The following ARHGEF3 variants were observed in gnomAD, a reference collection of about 807,000 sequenced individuals.
The protein encoded by ARHGEF3 is 59.8 kDA protein.
A neutral mutation model predicts 63.2 loss-of-function variants in ARHGEF3; 28 were observed. The ratio of observed to expected loss-of-function variants is 0.44; its 90% CI spans 0.33 to 0.61. ARHGEF3 has a LOEUF of 0.61. ARHGEF3 is among the 20% of genes least tolerant of loss of function. The probability of loss-of-function intolerance (pLI) is 0.03; values close to 1 mark genes in which losing one functional copy is unlikely to be tolerated. For synonymous variants in ARHGEF3, 266 were observed against 254.2 expected (o/e 1.05, Z -0.44); for missense variants, 533 against 659.3 (o/e 0.81, Z 2.10).
At chr3:56,796,994 T>C (rs2037402003) in intron 1 of ARHGEF3, among the ~76,000 whole-genome samples, 2 of 152,244 alleles carry the variant, frequency 1.3e-5, no homozygotes, top group African/African-American at 2.4e-5. Context: ...AGAATCTTTT[T>C]TTTTGAAATG....
chr3:56,918,342 A>C (rs1019768138), intron 3 of ARHGEF3, among the ~76,000 whole-genome samples: 2 of 152,246 alleles, frequency 1.3e-5, no homozygotes, highest in African/African-American at 2.4e-5. Flanking sequence ...CGACCAGGGC[A>C]TTGTACGTTT....
chr3:57,002,473 T>TATATATGCCAGGC, intron 2 of ARHGEF3, among the ~76,000 whole-genome samples: 1 of 11,636 alleles, frequency 8.6e-5, no homozygotes, highest in Non-Finnish European at 1.8e-4. Flanking sequence ...TATATATATA[T>TATATATGCCAGGC]ATATGTTATA....
intron 2 of ARHGEF3, among the ~76,000 whole-genome samples, chr3:56,997,032 T>C (rs1316378719): frequency 2.6e-5 from 4 of 151,946 alleles, no homozygotes; most frequent in Non-Finnish European, 5.9e-5. Context: ...GCTCTAGCCA[T>C]TACAACCCTC....
intron 3 of ARHGEF3, among the ~76,000 whole-genome samples, chr3:56,936,811 C>T (rs952959416): frequency 6.6e-6 from 1 of 152,184 alleles, no homozygotes; most frequent in Non-Finnish European, 1.5e-5. Context: ...CCTCCAACTC[C>T]AGAGCTCAAG....
chr3:56,783,539 C>A (rs1350527892), intron 1 of ARHGEF3, among the ~76,000 whole-genome samples: 1 of 152,118 alleles, frequency 6.6e-6, no homozygotes, highest in Non-Finnish European at 1.5e-5. Flanking sequence ...GAAAAGTAAC[C>A]TCTCCTACTT....
intron 3 of ARHGEF3, among the ~76,000 whole-genome samples, chr3:56,937,862 C>T (rs749484877): frequency 6.6e-6 from 1 of 152,166 alleles, no homozygotes; most frequent in Admixed American, 6.5e-5. Flanking sequence ...TTTAGTTCAA[C>T]CTGCATAAAT....
At chr3:57,069,200 C>T (rs1705738831) in intron 1 of ARHGEF3, among the ~76,000 whole-genome samples, 1 of 152,178 alleles carries the variant, frequency 6.6e-6, no homozygotes, top group Non-Finnish European at 1.5e-5. Flanking sequence ...GGATTACAGG[C>T]GTGAGCCACC....
intron 1 of ARHGEF3, among the ~76,000 whole-genome samples, chr3:57,058,745 A>G (rs1054421488): frequency 6.6e-6 from 1 of 152,126 alleles, no homozygotes; most frequent in African/African-American, 2.4e-5. Context: ...AACCAACCCA[A>G]TGTCCAACAA....
At chr3:56,935,119 T>C (rs2042524473) in intron 3 of ARHGEF3, among the ~76,000 whole-genome samples, 1 of 152,060 alleles carries the variant, frequency 6.6e-6, no homozygotes, top group South Asian at 2.1e-4. Context: ...TGGCAGTCTG[T>C]ATCTAGCTCA....
intron 1 of ARHGEF3, among the ~76,000 whole-genome samples, chr3:56,779,101 T>C (rs752998796): frequency 1.3e-5 from 2 of 152,134 alleles, no homozygotes; most frequent in African/African-American, 4.8e-5. Context: ...ATAAGCTTGA[T>C]TTGCATATTC....
upstream of ARHGEF3, among the ~76,000 whole-genome samples, chr3:56,804,144 C>T (rs1440442151): frequency 6.6e-6 from 1 of 152,176 alleles, no homozygotes; most frequent in East Asian, 1.9e-4. Flanking sequence ...CTCAACCACC[C>T]AAAGTGCTGG....
intron 7 of ARHGEF3, among the ~76,000 whole-genome samples, chr3:56,743,952 A>C (rs1017694226): frequency 1.7e-4 from 26 of 152,086 alleles, no homozygotes; most frequent in African/African-American, 6.0e-4. Flanking sequence ...TAAATGATGG[A>C]GCTGGGATTT....
chr3:57,050,972 A>C (rs115215100), intron 1 of ARHGEF3, among the ~76,000 whole-genome samples: 291 of 152,350 alleles, frequency 1.9e-3, no homozygotes, highest in African/African-American at 6.5e-3. Context: ...TATGGCAGAC[A>C]AGTCCACAGT....
intron 1 of ARHGEF3, among the ~76,000 whole-genome samples, chr3:56,791,629 A>G (rs2037081365): frequency 6.6e-6 from 1 of 152,120 alleles, no homozygotes; most frequent in Non-Finnish European, 1.5e-5. Context: ...ACCCCCAGAG[A>G]GACAGTGCTG....
chr3:56,786,176 C>A (rs1354882729), intron 1 of ARHGEF3, among the ~76,000 whole-genome samples: 1 of 152,114 alleles, frequency 6.6e-6, no homozygotes, highest in African/African-American at 2.4e-5. Context: ...ACATTGAAAT[C>A]TGATTATTCA....
At chr3:56,775,142 T>A in intron 1 of ARHGEF3, 4 of 1,540,166 alleles carry the variant, frequency 2.6e-6, no homozygotes, top group Non-Finnish European at 3.5e-6. Context: ...GGTATTCATC[T>A]TTCCTTTTCA....
chr3:56,992,407 A>AAC lies in ARHGEF3; in HGVS notation c.63-33519_63-33518insGT, dbSNP rs1427639526. ...AAAAAAAAAAAAAAAAAAAAAAAAA[A>AAC]AAAAAAACAGAAAGAAGGTCATGTG... On this transcript the variant is annotated intron_variant, in intron 2 of 12. Transcript: ENST00000338458. Among the ~76,000 whole-genome samples, 1,091 of 116,278 alleles carry AAC rather than the reference A, an allele frequency of 9.4e-3. 57 individuals are homozygous for AAC. The highest frequency in any genetic ancestry group is 0.016 in the Non-Finnish European group (826 of 51,016). The allele number at this position is 116,278 out of a possible 152,430, so 76.3% of individuals were successfully genotyped here. A position where few individuals can be genotyped will look rare whatever the true frequency, so the allele number is the denominator to read the frequency against.
intron 3 of ARHGEF3, among the ~76,000 whole-genome samples, chr3:56,896,484 T>A (rs1291227715): frequency 2.0e-5 from 3 of 152,192 alleles, no homozygotes; most frequent in Admixed American, 6.5e-5. Flanking sequence ...CCACTTTTTT[T>A]AAAAAGGTGC....
intron 2 of ARHGEF3, among the ~76,000 whole-genome samples, chr3:56,975,434 A>AATAATG (rs1701088361): frequency 6.6e-6 from 1 of 152,212 alleles, no homozygotes; most frequent in African/African-American, 2.4e-5. Flanking sequence ...TAATAATAAT[A>AATAATG]ATAAATAAAA....
Sources: gnomAD v4.1 joint callset for allele counts (sites outside exome capture counted in the v4.1 genomes callset) on GRCh38, gnomAD v4.1.1 for gene constraint, MANE v1.5 for transcripts, NCBI Gene and HGNC (gene_info 2026-07-23, HGNC 2026-07-21) for gene names.